HOXB3: variants seen among roughly 807,000 people sequenced by gnomAD.
The protein encoded by HOXB3 is homeobox protein Hox-B3.
A neutral mutation model predicts 29.2 loss-of-function variants in HOXB3; 17 were observed. The ratio of observed to expected loss-of-function variants is 0.58; its 90% CI spans 0.40 to 0.87. The LOEUF (loss-of-function observed/expected upper bound fraction) is 0.87. Ranked by LOEUF, HOXB3 falls within the 40% of genes least tolerant of loss-of-function variation. The pLI, the probability that HOXB3 is intolerant of heterozygous loss-of-function variation, is 0.00. For synonymous variants in HOXB3, 317 were observed against 285.9 expected (o/e 1.11, Z -1.10); for missense variants, 637 against 616.3 (o/e 1.03, Z -0.35).
chr17:48,588,281 AC>A (rs2070083894), intron 1 of HOXB3, among the ~76,000 whole-genome samples: 2 of 152,026 alleles, frequency 1.3e-5, no homozygotes, highest in African/African-American at 4.8e-5. Context: ...GCTGGAGGAG[AC>A]CCTTCAAGAG....
At chr17:48,551,505 C>T (rs139455708) in intron 4 of HOXB3, among the ~76,000 whole-genome samples, 1 of 152,338 alleles carries the variant, frequency 6.6e-6, no homozygotes, top group Non-Finnish European at 1.5e-5. Context: ...GCTTTCTCCC[C>T]CTTATCCCCA....
intron 1 of HOXB3, among the ~76,000 whole-genome samples, chr17:48,588,671 C>A (rs545335334): frequency 1.3e-5 from 2 of 152,192 alleles, no homozygotes; most frequent in African/African-American, 4.8e-5. Flanking sequence ...TGGGAGATGA[C>A]CTGTGTCTCC....
chr17:48,566,388 G>C (rs1425912471), intron 2 of HOXB3, among the ~76,000 whole-genome samples: 1 of 151,852 alleles, frequency 6.6e-6, no homozygotes, highest in Non-Finnish European at 1.5e-5. Context: ...GGGAAGGGGA[G>C]GGGGTATCAG....
intron 2 of HOXB3, among the ~76,000 whole-genome samples, chr17:48,561,911 G>A (rs1002960600): frequency 6.6e-6 from 1 of 152,218 alleles, no homozygotes; most frequent in Non-Finnish European, 1.5e-5. Flanking sequence ...GAATGTTAGT[G>A]ATTCTCCATG....
chr17:48,562,365 G>C (rs904206041), intron 2 of HOXB3, among the ~76,000 whole-genome samples: 5 of 151,898 alleles, frequency 3.3e-5, no homozygotes, highest in African/African-American at 1.2e-4. Flanking sequence ...ATGGCCAGCA[G>C]GGTCCACAGG....
chr17:48,555,242 C>A, intron 3 of HOXB3: 1 of 510,028 alleles, frequency 2.0e-6, no homozygotes, highest in Non-Finnish European at 3.5e-6. Flanking sequence ...TTAGCAGCCG[C>A]GGAGAAAATT....
Position 48,578,075 on chromosome 17 carries a change from G to A in HOXB3, c.-424-4061C>T, listed in dbSNP as rs2069828610. The A allele has an allele frequency of 2.8e-6, 3 of 1,077,060 alleles. No individual in the cohort carries two copies. Among genetic ancestry groups the A allele is most frequent in the East Asian group, 3.4e-5 (1 of 29,318 alleles). 66.7% of individuals were successfully genotyped at this position (1,077,060 alleles called of 1,614,324 possible). ...GGACAGACCGGGCGGTGGCGGGGGC[G>A]GCGGGGGTGGTGGCGGAGGCGGCGG... On this transcript the variant is annotated intron_variant, in intron 1 of 4. Transcript: ENST00000498678.
rs917279996 is a variant in HOXB3, at chr17:48,570,612, T to G, written c.-247+3225A>C. Among the ~76,000 whole-genome samples, 4 of 152,168 alleles carry G rather than the reference T, an allele frequency of 2.6e-5. No individual in the cohort carries two copies. The East Asian group carries it at 7.7e-4, about 29-fold the overall frequency. ...AGAGAAGGTTGAGGACCCGGTTGTCTTAACAAGCCCCAAAGAAACAGCCAC... is the reference window on the plus strand; with the variant it reads ...AGAGAAGGTTGAGGACCCGGTTGTCGTAACAAGCCCCAAAGAAACAGCCAC... On this transcript the variant is annotated intron_variant, in intron 2 of 4. Transcript: ENST00000498678.
intron 1 of HOXB3, among the ~76,000 whole-genome samples, chr17:48,574,697 C>T (rs146485010): frequency 1.3e-5 from 2 of 152,148 alleles, no homozygotes; most frequent in Non-Finnish European, 2.9e-5. Context: ...TGCACAAAAG[C>T]AATCTGAGCC....
In HOXB3 at chr17:48,578,016, G is replaced by A. The variant is rs752133965; in HGVS notation, c.-424-4002C>T. 1.7e-5 allele frequency: 22 copies of A among 1,267,096 alleles called. No homozygotes were observed. In the African/African-American group the frequency reaches 2.9e-4, roughly 17 times the overall value. 78.5% of individuals were successfully genotyped at this position (1,267,096 alleles called of 1,614,324 possible). A position where few individuals can be genotyped will look rare whatever the true frequency, so the allele number is the denominator to read the frequency against. On this transcript the variant is annotated intron_variant, in intron 1 of 4. Coordinates refer to ENST00000498678, the MANE Select transcript of HOXB3 (RefSeq NM_001384749.1). ...CAGCGCTGGCCGGGCTCCGGGAGGA[G>A]GGCCCCGGCGGGTGGCGGCGCAGGA...
intron 1 of HOXB3, among the ~76,000 whole-genome samples, chr17:48,584,969 C>G (rs1459431623): frequency 6.6e-6 from 1 of 150,500 alleles, no homozygotes; most frequent in Non-Finnish European, 1.5e-5. Flanking sequence ...CCCACTCACG[C>G]ATGGTGTAAA....
At chr17:48,556,595 T>C (rs1365856322) in intron 2 of HOXB3, 2 of 151,746 alleles carry the variant, frequency 1.3e-5, no homozygotes, top group Non-Finnish European at 2.9e-5. Flanking sequence ...TTTTTCTTTT[T>C]GAGAACAGAC....
At chr17:48,586,451 G>A (rs997134053) in intron 1 of HOXB3, among the ~76,000 whole-genome samples, 1 of 152,184 alleles carries the variant, frequency 6.6e-6, no homozygotes, top group African/African-American at 2.4e-5. Flanking sequence ...GGAGGTGGCT[G>A]CGGCGGTGTG....
Position 48,554,973 on chromosome 17 carries a change from A to T in HOXB3, c.-159+558T>A. The stretch of plus-strand genomic sequence containing the variant: ...TTTCCCTTGCCTCCATGTTGGAAAA[A>T]TTCAGGTTCCATATGGCTCCTCGGG... On this transcript the variant is annotated intron_variant, in intron 3 of 4. Transcript: ENST00000498678. This position sits in a 1 kb window ranked among gnomAD's most constrained non-coding sequence, Gnocchi z 4.1. 3.7e-6 allele frequency: 2 copies of T among 543,664 alleles called. No individual in the cohort carries two copies. The highest frequency in any genetic ancestry group is 4.3e-4 in the Middle Eastern group (1 of 2,326). The allele number at this position is 543,664 out of a possible 1,614,324, so 33.7% of individuals were successfully genotyped here.
In HOXB3 at chr17:48,552,379, G is replaced by A; in HGVS notation, c.96C>T (p.Pro32=). Residue 32 remains proline (P), a synonymous_variant, in exon 4 of 5, where the codon CCC becomes CCT. Coordinates refer to ENST00000498678, the MANE Select transcript of HOXB3 (RefSeq NM_001384749.1). ...PGSNGFGFDV[P]PQPPFQAATH... ...TGGCGGCCTGAAATGGGGGTTGGGG[G>A]GGGACATCGAAGCCGAAGCCATTGC... The A allele has an allele frequency of 6.2e-7, 1 of 1,613,482 alleles. No individual in the cohort carries two copies. Among genetic ancestry groups the A allele is most frequent in the Non-Finnish European group, 8.5e-7 (1 of 1,179,580 alleles).
In HOXB3 at chr17:48,571,218, C is replaced by T. The variant is rs759120819; in HGVS notation, c.-247+2619G>A. On this transcript the variant is annotated intron_variant, in intron 2 of 4. Transcript: ENST00000498678. Reference sequence around the variant, plus strand: ...GGCGAGATTGATTTACGAATCTGAACGCGCCAGTTTTATGGCTGATCACAA... The same window carrying T: ...GGCGAGATTGATTTACGAATCTGAATGCGCCAGTTTTATGGCTGATCACAA... Among the ~76,000 whole-genome samples, 4 of 152,326 alleles carry T rather than the reference C, an allele frequency of 2.6e-5. No individual in the cohort carries two copies. The East Asian group carries it at 5.8e-4, about 22-fold the overall frequency.
intron 2 of HOXB3, among the ~76,000 whole-genome samples, chr17:48,569,595 C>T (rs1259388452): frequency 6.6e-6 from 1 of 152,150 alleles, no homozygotes; most frequent in Admixed American, 6.5e-5. Flanking sequence ...TTAAGGTTCC[C>T]TCCCCAACTC....
chr17:48,562,639 G>C (rs146196626), intron 2 of HOXB3, among the ~76,000 whole-genome samples: 142 of 152,276 alleles, frequency 9.3e-4, no homozygotes, highest in African/African-American at 3.0e-3. Context: ...TCATCAAGTT[G>C]ATGATTTATG....
At chr17:48,585,343 G>C (rs2070026320) in intron 1 of HOXB3, among the ~76,000 whole-genome samples, 1 of 152,250 alleles carries the variant, frequency 6.6e-6, no homozygotes, top group Non-Finnish European at 1.5e-5. Flanking sequence ...CTGACCTGGA[G>C]AAGGGCATTT....
Sources: allele counts gnomAD v4.1 joint callset (sites outside exome capture counted in the v4.1 genomes callset), GRCh38; gene constraint gnomAD v4.1.1; non-coding constraint Gnocchi (gnomAD v3.1); transcripts MANE v1.5; gene names NCBI Gene and HGNC (gene_info 2026-07-23, HGNC 2026-07-21).